The following LTBP2 variants were observed in gnomAD, a reference collection of about 807,000 sequenced individuals.
LTBP2 encodes the protein latent transforming growth factor beta binding protein 2.
In LTBP2, 103 loss-of-function variants were observed where a neutral mutation model predicts 210.6. The observed-to-expected ratio is 0.49, with a 90% CI of 0.42 to 0.58. LTBP2 has a LOEUF of 0.58. LTBP2 is among the 20% of genes least tolerant of loss of function. The pLI is 0.00. For synonymous variants in LTBP2, 1,007 were observed against 1,015.0 expected, an observed-to-expected ratio of 0.99 and a Z score of 0.15; for missense variants, 2,313 against 2,494.5, an observed-to-expected ratio of 0.93 and a Z score of 1.55.
intron 18 of LTBP2, among the ~76,000 whole-genome samples, chr14:74,513,366 C>T (rs2087095565): frequency 6.6e-6 from 1 of 152,216 alleles, no homozygotes; most frequent in Admixed American, 6.5e-5. Flanking sequence ...ATGGACCAAA[C>T]CATTTAATTT....
chr14:74,510,171 T>C lies in LTBP2; in HGVS notation c.3071A>G (p.Lys1024Arg), dbSNP rs1366915460. Residue 1024 changes from lysine to arginine, a missense_variant, in exon 20 of 36, where the codon AAG (lysine) becomes AGG (arginine). Physicochemically the swap from Lys to Arg is conservative, Grantham distance 26. This residue lies in a region of LTBP2 where 1,867 missense variants were observed against 1,976.9 expected (regional missense o/e 0.94). Coordinates refer to ENST00000261978, the MANE Select transcript of LTBP2 (RefSeq NM_000428.3). ...GAAGGAGCCTTCTAGGTTGGTGCAC[T>C]TTCCATGGGCACAGACCCCGGGAGT... Reference protein sequence around the residue: ...CLTPGVCAHGKCTNLEGSFRC... With the variant: ...CLTPGVCAHGRCTNLEGSFRC... 1 of 1,614,042 alleles carries C rather than the reference T, an allele frequency of 6.2e-7. No individual in the cohort carries two copies. The highest frequency in any genetic ancestry group is 2.2e-5 in the East Asian group (1 of 44,884).
At position 74,592,967 on chromosome 14, in the gene LTBP2, C is replaced by T. The variant is rs1313204869; in HGVS notation, c.566-6849G>A. Among the ~76,000 whole-genome samples, 5 of 152,274 alleles carry T rather than the reference C, an allele frequency of 3.3e-5. No individual in the cohort carries two copies. The East Asian group carries it at 5.8e-4, about 18-fold the overall frequency. On this transcript the variant is annotated intron_variant, in intron 2 of 35. Transcript: ENST00000261978. ...CTTTCTTTTCCACACCCCCCTGGCC[C>T]GCTCTTCACTGAGCATTAGAGAGGT...
chr14:74,552,299 C>T lies in LTBP2; in HGVS notation c.1287G>A (p.Leu429=), dbSNP rs61738025. 90,336 of 1,613,186 alleles carry T rather than the reference C, an allele frequency of 0.056. 2,742 individuals are homozygous for T. Among genetic ancestry groups the T allele is most frequent in the Middle Eastern group, 0.096 (582 of 6,062 alleles). Residue 429 remains leucine (L), a synonymous_variant, in exon 6 of 36, where the codon CTG becomes CTA. Coordinates refer to ENST00000261978, the MANE Select transcript of LTBP2 (RefSeq NM_000428.3). ...GCTCCCTGTCCGGCTGCGGGATAGG[C>T]AGGTGGCAGAACTTCCCGGTGGAGT... ...PANSTGKFCH[L]PIPQPDREPP...
intron 3 of LTBP2, among the ~76,000 whole-genome samples, chr14:74,574,566 AAT>A (rs2088030023): frequency 6.6e-6 from 1 of 152,358 alleles, no homozygotes; most frequent in East Asian, 1.9e-4. Context: ...AGCAGGGTGC[AAT>A]AAATCCTACT....
chr14:74,511,429 A>G (rs890752054), intron 18 of LTBP2, 65 bp from the exon 19 acceptor site: 1 of 1,603,924 alleles, frequency 6.2e-7, no homozygotes, highest in Non-Finnish European at 8.5e-7. Context: ...GGTCTGTGAC[A>G]CAGCAAATCC....
rs750268589 is a variant in LTBP2 at position 74,611,763 on chromosome 14, G to A, written c.182C>T (p.Pro61Leu). ...GTACACCTTGGCTGCAGCCGCTGCCGGGTAGCTGCCCCCAGGGCGCCGCAG... is the reference window on the plus strand; with the variant it reads ...GTACACCTTGGCTGCAGCCGCTGCCAGGTAGCTGCCCCCAGGGCGCCGCAG... ...NRLRRPGGSY[P>L]AAAAAKVYSL... is the part of the protein sequence containing the mutation. Residue 61 changes from proline to leucine, a missense_variant, in exon 1 of 36, where the codon CCG becomes CTG. Pro to Leu is a moderately conservative substitution (Grantham distance 98, BLOSUM62 -3). Coordinates refer to ENST00000261978, the MANE Select transcript of LTBP2 (RefSeq NM_000428.3). The A allele has an allele frequency of 6.2e-6, 10 of 1,608,518 alleles. No individual in the cohort carries two copies. In the South Asian group the frequency reaches 1.1e-4, roughly 18 times the overall value.
intron 7 of LTBP2, among the ~76,000 whole-genome samples, chr14:74,550,694 C>T (rs1395815307): frequency 6.6e-6 from 1 of 152,158 alleles, no homozygotes; most frequent in Non-Finnish European, 1.5e-5. Flanking sequence ...ACTGTAGCCT[C>T]AACTGGATAA....
chr14:74,577,929 C>T (rs967479896), intron 3 of LTBP2, among the ~76,000 whole-genome samples: 12 of 151,976 alleles, frequency 7.9e-5, no homozygotes, highest in African/African-American at 1.9e-4. Flanking sequence ...TCTTCTGGCA[C>T]GTCACAGCTG....
At chr14:74,591,524 G>A (rs1210368521) in intron 2 of LTBP2, among the ~76,000 whole-genome samples, 1 of 152,234 alleles carries the variant, frequency 6.6e-6, no homozygotes, top group Admixed American at 6.5e-5. Context: ...CCTCCAAGAA[G>A]TTTCAGGTTT....
chr14:74,610,592 G>C (rs985916807), intron 1 of LTBP2, among the ~76,000 whole-genome samples: 13 of 152,156 alleles, frequency 8.5e-5, no homozygotes, highest in African/African-American at 3.1e-4. Context: ...CATTCCAGAG[G>C]CACCTGCCAT....
intron 26 of LTBP2, 122 bp downstream of exon 26, chr14:74,507,057 A>G (rs1190917612): frequency 5.7e-6 from 9 of 1,578,162 alleles, no homozygotes; most frequent in African/African-American, 1.3e-5. Context: ...CTGGATGGAA[A>G]ATATACAAGC....
rs183197630 is a variant in LTBP2 at position 74,556,775 on chromosome 14, C to A, written c.831-1082G>T. 8.5e-5 allele frequency among the ~76,000 whole-genome samples: 13 copies of A among 152,314 alleles called. 1 individual carries two copies. In the East Asian group the frequency reaches 2.5e-3, roughly 29 times the overall value. ...TCAGGTGATCCGCCCACCTTGGCCT[C>A]CCAAAGTGTTGGGATTACAGGCGTG... On this transcript the variant is annotated intron_variant, in intron 3 of 35. Transcript: ENST00000261978.
chr14:74,525,845 C>G (rs11847578), intron 14 of LTBP2, among the ~76,000 whole-genome samples: 1 of 152,224 alleles, frequency 6.6e-6, no homozygotes, highest in African/African-American at 2.4e-5. Flanking sequence ...GCAAAGAGTT[C>G]TGTGGCTAGA....
In LTBP2 at chr14:74,550,460, C is replaced by A. The variant is rs1335891966; in HGVS notation, c.1687-495G>T. Among the ~76,000 whole-genome samples, 4 of 152,262 alleles carry A rather than the reference C, an allele frequency of 2.6e-5. No individual in the cohort carries two copies. The East Asian group carries it at 7.7e-4, about 29-fold the overall frequency. On this transcript the variant is annotated intron_variant, in intron 7 of 35. Coordinates refer to ENST00000261978, the MANE Select transcript of LTBP2 (RefSeq NM_000428.3). The stretch of plus-strand genomic sequence containing the variant: ...ATCTCAGATAGGGTTTCTGGAAATA[C>A]CTTAGTTTCTGGAAACTAAGCGGTT...
chr14:74,544,276 A>C (rs919688247), intron 8 of LTBP2, among the ~76,000 whole-genome samples: 2 of 152,192 alleles, frequency 1.3e-5, no homozygotes, highest in African/African-American at 4.8e-5. Context: ...CAGTTCAGCA[A>C]ATGCTTGTGC....
At chr14:74,508,323 C>T (rs2087018594) in intron 24 of LTBP2, among the ~76,000 whole-genome samples, 1 of 152,136 alleles carries the variant, frequency 6.6e-6, no homozygotes, top group South Asian at 2.1e-4. Flanking sequence ...AGAAGTGACA[C>T]TCGGAGTTTG....
intron 4 of LTBP2, 91 bp from the exon 5 acceptor site, chr14:74,553,153 G>A (rs1398972343): frequency 3.9e-6 from 5 of 1,274,496 alleles, no homozygotes; most frequent in Non-Finnish European, 5.6e-6. Context: ...TGGGACTAGG[G>A]CTGCATTCAT....
intron 16 of LTBP2, among the ~76,000 whole-genome samples, chr14:74,522,293 G>C (rs2087215670): frequency 6.6e-6 from 1 of 152,182 alleles, no homozygotes; most frequent in Non-Finnish European, 1.5e-5. Flanking sequence ...CCTTCCCCCA[G>C]TAGCCTCATG....
chr14:74,516,786 G>A (rs1263544878), intron 18 of LTBP2, 36 bp downstream of exon 18: 1 of 1,538,848 alleles, frequency 6.5e-7, no homozygotes, highest in Non-Finnish European at 8.8e-7. Context: ...GTGGGTGGTG[G>A]GGTGGCAGGG....
Sources: gnomAD v4.1 joint callset for allele counts (sites outside exome capture counted in the v4.1 genomes callset) on GRCh38, gnomAD v4.1.1 for gene constraint, gnomAD v4.1.1 regional missense constraint, MANE v1.5 for transcripts, NCBI Gene and HGNC (gene_info 2026-07-23, HGNC 2026-07-21) for gene names.